Variants in QRFPR observed in about 807,000 individuals in gnomAD.
QRFPR encodes the protein pyroglutamylated RFamide peptide receptor, also known as pyroglutamylated RF-amide peptide receptor.
QRFPR carries 37 observed loss-of-function variants against 31.3 expected under a neutral mutation model. The ratio of observed to expected loss-of-function variants is 1.18; its 90% CI spans 0.91 to 1.56. The LOEUF (loss-of-function observed/expected upper bound fraction) is 1.56, where lower values mean the gene tolerates loss of function less well. Among genes scored for constraint, QRFPR ranks in the 40% most tolerant of loss-of-function variants. The pLI, the probability that QRFPR is intolerant of heterozygous loss-of-function variation, is 0.00. For synonymous variants in QRFPR, 197 were observed against 192.0 expected (o/e 1.03, Z -0.22); for missense variants, 542 against 532.5 (o/e 1.02, Z -0.18).
At chr4:121,333,289 C>A (rs1413605118) in intron 3 of QRFPR, among the ~76,000 whole-genome samples, 1 of 152,178 alleles carries the variant, frequency 6.6e-6, no homozygotes, top group Admixed American at 6.5e-5. Context: ...AAATGGAATT[C>A]AGGTCCATAG....
chr4:121,344,901 A>T (rs930643572), intron 1 of QRFPR, among the ~76,000 whole-genome samples: 1 of 152,206 alleles, frequency 6.6e-6, no homozygotes, highest in African/African-American at 2.4e-5. Flanking sequence ...ATTTCTTCCC[A>T]TAAATCTGGT....
intron 1 of QRFPR, among the ~76,000 whole-genome samples, chr4:121,353,234 G>A (rs1314604015): frequency 2.0e-5 from 3 of 152,034 alleles, no homozygotes; most frequent in African/African-American, 4.8e-5. Flanking sequence ...TGTATACTCA[G>A]CAGTGGGACT....
At chr4:121,360,774 T>A (rs980651904) in intron 1 of QRFPR, among the ~76,000 whole-genome samples, 2 of 152,170 alleles carry the variant, frequency 1.3e-5, no homozygotes, top group African/African-American at 4.8e-5. Flanking sequence ...AACACAGCAC[T>A]AGAAAGTTCT....
At chr4:121,335,235 G>A (rs954124111) in intron 3 of QRFPR, among the ~76,000 whole-genome samples, 1 of 151,884 alleles carries the variant, frequency 6.6e-6, no homozygotes, top group African/African-American at 2.4e-5. Context: ...AAAACAAAAT[G>A]TTTTTGTTTT....
chr4:121,335,488 G>T (rs867827836), intron 3 of QRFPR, among the ~76,000 whole-genome samples: 27 of 147,516 alleles, frequency 1.8e-4, no homozygotes, highest in African/African-American at 6.7e-4. Flanking sequence ...ACACCTAGAG[G>T]GCATTGATTC....
At chr4:121,367,541 T>C (rs1227793779) in intron 1 of QRFPR, among the ~76,000 whole-genome samples, 1 of 150,428 alleles carries the variant, frequency 6.6e-6, no homozygotes, top group Non-Finnish European at 1.5e-5. Flanking sequence ...TTACAGTTGC[T>C]TTGTAAAAGT....
chr4:121,339,785 T>G (rs1054493632), intron 2 of QRFPR, among the ~76,000 whole-genome samples: 2 of 151,948 alleles, frequency 1.3e-5, no homozygotes, highest in Non-Finnish European at 2.9e-5. Flanking sequence ...GAGACCCTGT[T>G]GCTACCAAAA....
chr4:121,357,684 G>A (rs561820593), intron 1 of QRFPR, among the ~76,000 whole-genome samples: 1 of 152,326 alleles, frequency 6.6e-6, no homozygotes, highest in East Asian at 1.9e-4. Context: ...CACTCTGAAA[G>A]ATTGTGAATT....
intron 1 of QRFPR, among the ~76,000 whole-genome samples, chr4:121,362,419 T>C (rs1203266908): frequency 6.7e-6 from 1 of 150,108 alleles, no homozygotes; most frequent in East Asian, 2.0e-4. Flanking sequence ...CTTTGGCATG[T>C]TGACGTAAGA....
intron 1 of QRFPR, among the ~76,000 whole-genome samples, chr4:121,352,126 C>T (rs748162718): frequency 7.9e-5 from 12 of 152,036 alleles, no homozygotes; most frequent in Non-Finnish European, 1.6e-4. Flanking sequence ...GTTTTCTTTA[C>T]ATGTATTTGT....
intron 1 of QRFPR, among the ~76,000 whole-genome samples, chr4:121,356,586 T>C (rs1484648117): frequency 6.6e-6 from 1 of 152,198 alleles, no homozygotes; most frequent in Non-Finnish European, 1.5e-5. Context: ...AGATTGAGTG[T>C]CATGATCTAA....
chr4:121,340,108 C>CAAA (rs58311512), intron 2 of QRFPR: 9,729 of 130,076 alleles, frequency 0.075, 1,268 homozygotes, highest in East Asian at 0.29. Flanking sequence ...CACTCTGTCT[C>CAAA]AAAAAAAAAA....
chr4:121,379,323 A>G (rs895698631), intron 1 of QRFPR, among the ~76,000 whole-genome samples: 4 of 152,250 alleles, frequency 2.6e-5, no homozygotes, highest in African/African-American at 9.6e-5. Context: ...CCATGAGTTT[A>G]AGAGAATTAG....
intron 1 of QRFPR, among the ~76,000 whole-genome samples, chr4:121,378,521 C>G (rs1050341181): frequency 6.7e-6 from 1 of 150,374 alleles, no homozygotes; most frequent in South Asian, 2.1e-4. Context: ...CAAGCCAAGT[C>G]TCCTGCCTCA....
intron 1 of QRFPR, among the ~76,000 whole-genome samples, chr4:121,361,142 A>C (rs538583129): frequency 1.5e-5 from 2 of 133,618 alleles, no homozygotes; most frequent in South Asian, 4.5e-4. Context: ...AAAAGCACTC[A>C]ATTTCCCTAA....
chr4:121,330,704 A>T (rs1725305438), intron 4 of QRFPR, among the ~76,000 whole-genome samples, 181 bp from the exon 5 acceptor site: 1 of 152,132 alleles, frequency 6.6e-6, no homozygotes, highest in South Asian at 2.1e-4. Flanking sequence ...TCACATCATA[A>T]ATGTTCTTTG....
chr4:121,355,512 T>C (rs1327587885), intron 1 of QRFPR, among the ~76,000 whole-genome samples: 2 of 152,042 alleles, frequency 1.3e-5, no homozygotes, highest in Non-Finnish European at 2.9e-5. Context: ...GAAAACAACT[T>C]TTCCTTTCAT....
chr4:121,334,047 A>G (rs1725387361), intron 3 of QRFPR, among the ~76,000 whole-genome samples: 1 of 152,202 alleles, frequency 6.6e-6, no homozygotes, highest in African/African-American at 2.4e-5. Flanking sequence ...CACTCACTGA[A>G]AAATAATCTC....
intron 3 of QRFPR, among the ~76,000 whole-genome samples, chr4:121,335,578 T>TGGGG (rs773427893): frequency 4.7e-4 from 2 of 4,254 alleles, no homozygotes; most frequent in South Asian, 0.014. Flanking sequence ...GTATGGGGGG[T>TGGGG]GGGGGGTGGG....
Sources: allele counts gnomAD v4.1 joint callset (sites outside exome capture counted in the v4.1 genomes callset), GRCh38; gene constraint gnomAD v4.1.1; transcripts MANE v1.5; gene names NCBI Gene and HGNC (gene_info 2026-07-23, HGNC 2026-07-21).